Variants in WIPF3 observed in about 807,000 individuals in gnomAD.
WIPF3 encodes the protein WAS/WASL-interacting protein family member 3.
WIPF3 carries 33 observed loss-of-function variants against 38.9 expected under a neutral mutation model. The ratio of observed to expected loss-of-function variants is 0.85; its 90% CI spans 0.64 to 1.14. The LOEUF (loss-of-function observed/expected upper bound fraction) is 1.14, where lower values mean the gene tolerates loss of function less well. Among genes scored for constraint, WIPF3 ranks in the 50% most tolerant of loss-of-function variants. The pLI is 0.00. For synonymous variants in WIPF3, 324 were observed against 269.3 expected (o/e 1.20, Z -1.99); for missense variants, 711 against 652.5 (o/e 1.09, Z -0.98).
intron 1 of WIPF3, among the ~76,000 whole-genome samples, chr7:29,813,379 A>G (rs922465587): frequency 1.3e-5 from 2 of 152,180 alleles, no homozygotes; most frequent in East Asian, 3.8e-4. Context: ...AAAGCCCAGC[A>G]TTTGACAGCC....
intron 1 of WIPF3, among the ~76,000 whole-genome samples, chr7:29,813,031 C>T (rs1784403579): frequency 6.6e-6 from 1 of 152,152 alleles, no homozygotes; most frequent in South Asian, 2.1e-4. Context: ...AAAATCTATT[C>T]TCTCTGCTCA....
chr7:29,893,335 A>G (rs1786066398), intron 7 of WIPF3, among the ~76,000 whole-genome samples: 1 of 152,064 alleles, frequency 6.6e-6, no homozygotes, highest in South Asian at 2.1e-4. Flanking sequence ...TGGCAGGTGG[A>G]GCGCAGGGTA....
intron 1 of WIPF3, among the ~76,000 whole-genome samples, chr7:29,828,712 C>T (rs922731046): frequency 6.6e-6 from 1 of 152,202 alleles, no homozygotes; most frequent in African/African-American, 2.4e-5. Flanking sequence ...CCCGCCTGCG[C>T]TCTTTCACCT....
rs1291135483 is a variant in WIPF3 at position 29,883,932 on chromosome 7, G to T, written c.438G>T (p.Pro146=). The change falls in exon 5 of 9, where the codon CCG becomes CCT. Residue 146 remains proline (P), a synonymous_variant. Transcript: ENST00000242140. ...AAACCATCAGCGGCCCGCTTATCCC[G>T]CCTGCCTCTCCCAGGCTAGGCAATA... ...PNKTISGPLI[P]PASPRLGNTS... 6.3e-7 allele frequency: 1 copy of T among 1,577,108 alleles called. No individual in the cohort carries two copies. The highest frequency in any genetic ancestry group is 8.6e-7 in the Non-Finnish European group (1 of 1,161,830).
chr7:29,891,892 G>C (rs1786032072), intron 7 of WIPF3, among the ~76,000 whole-genome samples: 1 of 152,170 alleles, frequency 6.6e-6, no homozygotes, highest in African/African-American at 2.4e-5. Context: ...CCAGGCTGAG[G>C]ACAGGACAGA....
At chr7:29,880,454 G>C (rs1476096046) in intron 4 of WIPF3, among the ~76,000 whole-genome samples, 1 of 152,186 alleles carries the variant, frequency 6.6e-6, no homozygotes, top group Non-Finnish European at 1.5e-5. Context: ...TAGCAGGAAA[G>C]GTAGAGTACA....
Position 29,834,881 on chromosome 7 carries a change from G to T in WIPF3, c.90+67G>T, listed in dbSNP as rs992457495. The T allele has an allele frequency of 2.7e-6, 4 of 1,498,338 alleles. No individual in the cohort carries two copies. The African/African-American group carries it at 4.3e-5, about 16-fold the overall frequency. The allele number at this position is 1,498,338 out of a possible 1,614,324, so 92.8% of individuals were successfully genotyped here. A position where few individuals can be genotyped will look rare whatever the true frequency, so the allele number is the denominator to read the frequency against. ...CTGCTTGAATACACTTGAGCAGAAGGTTTTAAATGTTCAGAAGTAGCACTG... is the reference window on the plus strand; with the variant it reads ...CTGCTTGAATACACTTGAGCAGAAGTTTTTAAATGTTCAGAAGTAGCACTG... On this transcript the variant is annotated intron_variant, in intron 2 of 8. Coordinates refer to ENST00000242140, the MANE Select transcript of WIPF3 (RefSeq NM_001080529.3).
rs964921222 is a variant in WIPF3 at position 29,809,257 on chromosome 7, C to T, written c.-58+2579C>T. The stretch of plus-strand genomic sequence containing the variant: ...TTGTTTTACCACCAGTTTCAAGTTG[C>T]AGAGTTGAATGTTTGTCTTAGGAAG... On this transcript the variant is annotated intron_variant, in intron 1 of 8. Coordinates refer to ENST00000242140, the MANE Select transcript of WIPF3 (RefSeq NM_001080529.3). Among the ~76,000 whole-genome samples the T allele has an allele frequency of 5.3e-5, 8 of 152,112 alleles. No homozygotes were observed. In the East Asian group the frequency reaches 9.7e-4, roughly 18 times the overall value.
intron 1 of WIPF3, among the ~76,000 whole-genome samples, chr7:29,824,605 G>T (rs1203057284): frequency 6.6e-6 from 1 of 152,088 alleles, no homozygotes; most frequent in African/African-American, 2.4e-5. Flanking sequence ...GTGTGATGTG[G>T]GTAAAACGGA....
intron 7 of WIPF3, among the ~76,000 whole-genome samples, chr7:29,896,632 T>A (rs1240399775): frequency 1.3e-5 from 2 of 152,158 alleles, no homozygotes; most frequent in African/African-American, 4.8e-5. Context: ...AATTTTTTTT[T>A]AAGTTTTCCT....
intron 2 of WIPF3, among the ~76,000 whole-genome samples, chr7:29,866,293 T>C (rs547210624): frequency 2.0e-5 from 3 of 152,382 alleles, no homozygotes; most frequent in Admixed American, 2.0e-4. Flanking sequence ...TCCTTTCATA[T>C]GTGAGCAATG....
chr7:29,867,450 C>G (rs948575340), intron 2 of WIPF3, among the ~76,000 whole-genome samples: 2 of 151,856 alleles, frequency 1.3e-5, no homozygotes, highest in Non-Finnish European at 2.9e-5. Flanking sequence ...TACTTTTTGT[C>G]TAGAAGAAAT....
chr7:29,903,747 A>C (rs1404577760), intron 7 of WIPF3, among the ~76,000 whole-genome samples: 2 of 152,162 alleles, frequency 1.3e-5, no homozygotes, highest in African/African-American at 4.8e-5. Flanking sequence ...AGCCATGGTG[A>C]CTCTGGGATA....
At chr7:29,830,610 ACT>A (rs1236921264) in intron 1 of WIPF3, among the ~76,000 whole-genome samples, 1 of 136,140 alleles carries the variant, frequency 7.3e-6, no homozygotes, top group Non-Finnish European at 1.6e-5. Flanking sequence ...ACAGAGCGAG[ACT>A]CTGTCTCAAA....
intron 1 of WIPF3, among the ~76,000 whole-genome samples, chr7:29,811,254 T>TATGATGATGATGATGATGATG (rs60111327): frequency 6.7e-6 from 1 of 148,976 alleles, no homozygotes; most frequent in African/African-American, 2.5e-5. Context: ...AATTAGCCAT[T>TATGATGATGATGATGATGATG]ATGATGATGA....
At chr7:29,913,280 G>A (rs10951253) in intron 8 of WIPF3, among the ~76,000 whole-genome samples, 20,747 of 151,248 alleles carry the variant, frequency 0.14, 1,500 homozygotes, top group Middle Eastern at 0.16. Context: ...CGTGGACGGA[G>A]GTTGCGGTGA....
rs1022921937 is a variant in WIPF3 at position 29,914,379 on chromosome 7, T to G, written c.1429-114T>G. On this transcript the variant is annotated intron_variant, in intron 8 of 8. Transcript: ENST00000242140. ...AGGCATCTCCCCAAACTTGACAGCC[T>G]TGCATGAATGAGAAGCTTCGGGGCC... The G allele has an allele frequency of 1.2e-5, 10 of 829,528 alleles. No individual in the cohort carries two copies. The Admixed American group carries it at 3.6e-4, about 30-fold the overall frequency. 51.4% of individuals were successfully genotyped at this position (829,528 alleles called of 1,614,324 possible). A position where few individuals can be genotyped will look rare whatever the true frequency, so the allele number is the denominator to read the frequency against.
chr7:29,856,015 CT>C (rs1347898497), intron 2 of WIPF3, among the ~76,000 whole-genome samples: 5 of 152,108 alleles, frequency 3.3e-5, no homozygotes, highest in Admixed American at 6.6e-5. Flanking sequence ...CTCAACATGA[CT>C]TTTGTGTGTT....
chr7:29,899,400 A>G (rs908084557), intron 7 of WIPF3, among the ~76,000 whole-genome samples: 2 of 152,062 alleles, frequency 1.3e-5, no homozygotes, highest in Non-Finnish European at 1.5e-5. Context: ...AGCATTTATC[A>G]CCTCCAGACA....
Sources: gnomAD v4.1 joint callset for allele counts (sites outside exome capture counted in the v4.1 genomes callset) on GRCh38, gnomAD v4.1.1 for gene constraint, MANE v1.5 for transcripts, NCBI Gene and HGNC (gene_info 2026-07-23, HGNC 2026-07-21) for gene names.